The following ZNF408 variants were observed in gnomAD, a reference collection of about 807,000 sequenced individuals.
ZNF408 encodes PR domain zinc finger protein 17.
A neutral mutation model predicts 27.6 loss-of-function variants in ZNF408; 24 were observed. The ratio of observed to expected loss-of-function variants is 0.87; its 90% CI spans 0.63 to 1.22. ZNF408 has a LOEUF of 1.22. Ranked by LOEUF, ZNF408 falls within the 50% of genes most tolerant of loss-of-function variation. The probability of loss-of-function intolerance (pLI) is 0.00; values close to 1 mark genes in which losing one functional copy is unlikely to be tolerated. For missense variants in ZNF408, 897 were observed against 949.0 expected (o/e 0.95, Z 0.72); for synonymous variants, 410 against 396.1 (o/e 1.04, Z -0.42).
rs765506026 is a variant in ZNF408, at chr11:46,705,039, G to A, written c.1339G>A (p.Ala447Thr). The change falls in exon 5 of 5, where the codon GCC (alanine) becomes ACC (threonine). Residue 447 changes from alanine (A) to threonine (T), a missense_variant. Transcript: ENST00000311764. This position sits in a 1 kb window ranked among gnomAD's most constrained non-coding sequence, Gnocchi z 6.5. ...TTGTGACCAGTGTGGCAAGGCCTTT[G>A]CCCGCCGGCCCTCCCTGCGGCTGCA... ...FACDQCGKAF[A>T]RRPSLRLHRK... 1.8e-5 allele frequency: 29 copies of A among 1,612,816 alleles called. 1 individual carries two copies. In the South Asian group the frequency reaches 3.0e-4, roughly 16 times the overall value.
Position 46,701,389 on chromosome 11 carries a change from C to T in ZNF408, c.53-10C>T, listed in dbSNP as rs1264799749. 30 of 1,612,098 alleles carry T rather than the reference C, an allele frequency of 1.9e-5. No individual in the cohort carries two copies. The highest frequency in any genetic ancestry group is 2.5e-5 in the Non-Finnish European group (30 of 1,178,710). On this transcript the variant is annotated splice_polypyrimidine_tract_variant and intron_variant, in intron 1 of 4. Transcript: ENST00000311764. ...GGTGGCTCCCTCACTGTCTTCCCTTCTCTCTGCAGCCCGCGAGCCGCGCCT... is the reference window on the plus strand; with the variant it reads ...GGTGGCTCCCTCACTGTCTTCCCTTTTCTCTGCAGCCCGCGAGCCGCGCCT...
chr11:46,705,086 AG>A lies in ZNF408; in HGVS notation c.1387del (p.Ala463LeufsTer25). 1 of 1,612,532 alleles carries A rather than the reference AG, an allele frequency of 6.2e-7. No homozygotes were observed. The highest frequency in any genetic ancestry group is 8.5e-7 in the Non-Finnish European group (1 of 1,179,928). On this transcript the variant is annotated frameshift_variant, in exon 5 of 5. Transcript: ENST00000311764. LOFTEE classifies it low-confidence loss of function (END_TRUNC). The surrounding 1 kb of genome is among the most constrained non-coding windows in gnomAD (Gnocchi z 6.5). ...TGCATCGCAAGACCCACCAGGTGCCAGCTGCCCCTGCCCCTTGCCCATGCCC... is the reference window on the plus strand; with the variant it reads ...TGCATCGCAAGACCCACCAGGTGCCACTGCCCCTGCCCCTTGCCCATGCCC... ...RLHRKTHQVP[A>X]APAPCPCPVC...
rs755574785 is a variant in ZNF408, at chr11:46,701,560, C to A, written c.214C>A (p.Arg72Ser). Residue 72 changes from arginine to serine, a missense_variant, in exon 2 of 5, where the codon CGC becomes AGC. Coordinates refer to ENST00000311764, the MANE Select transcript of ZNF408 (RefSeq NM_024741.3). ...ALGPSLAKEQ[R>S]LGVWCVGDPL... Reference sequence around the variant, plus strand: ...TGGCCCCTCACTCGCCAAGGAACAGCGCTTGGGGGTCTGGTGTGTCGGGGA... The same window carrying A: ...TGGCCCCTCACTCGCCAAGGAACAGAGCTTGGGGGTCTGGTGTGTCGGGGA... The A allele has an allele frequency of 6.2e-7, 1 of 1,613,502 alleles. No individual in the cohort carries two copies. The highest frequency in any genetic ancestry group is 1.1e-5 in the South Asian group (1 of 91,080).
intron 4 of ZNF408, among the ~76,000 whole-genome samples, 183 bp from the exon 5 acceptor site, chr11:46,704,170 C>T (rs956106000): frequency 2.6e-5 from 4 of 152,000 alleles, no homozygotes; most frequent in African/African-American, 4.8e-5. Flanking sequence ...CTCCAAAAGG[C>T]GCTTAAGGCT....
intron 2 of ZNF408, 48 bp from the exon 3 acceptor site, chr11:46,702,656 C>T (rs1337869107): frequency 1.9e-6 from 3 of 1,580,384 alleles, no homozygotes; most frequent in Non-Finnish European, 2.6e-6. Context: ...TTATTCCTAC[C>T]CGACCCCTCG....
rs2064721414 is a variant in ZNF408, at chr11:46,703,019, A to G, written c.428A>G (p.Asn143Ser). 2 of 1,613,890 alleles carry G rather than the reference A, an allele frequency of 1.2e-6. No individual in the cohort carries two copies. Among genetic ancestry groups the G allele is most frequent in the Non-Finnish European group, 1.7e-6 (2 of 1,179,896 alleles). ...CGGGGCAGGCTGGAGAGTGAGGGAA[A>G]TGTGGCCCCAGTGCGGATCAGCGAG... ...VQRGRLESEG[N>S]VAPVRISERL... Residue 143 changes from asparagine to serine, a missense_variant, in exon 4 of 5, where the codon AAT becomes AGT. Asn to Ser is a conservative substitution (Grantham distance 46, BLOSUM62 1). Coordinates refer to ENST00000311764, the MANE Select transcript of ZNF408 (RefSeq NM_024741.3).
chr11:46,703,265 G>T (rs768619422), intron 4 of ZNF408, 22 bp downstream of exon 4: 8 of 1,592,988 alleles, frequency 5.0e-6, no homozygotes, highest in Non-Finnish European at 6.8e-6. Flanking sequence ...ATAAATGCTG[G>T]TTTCCCAGCA....
In ZNF408 at chr11:46,703,212, C is replaced by T; in HGVS notation, c.621C>T (p.Ser207=). The T allele has an allele frequency of 1.2e-6, 2 of 1,613,640 alleles. No homozygotes were observed. Among genetic ancestry groups the T allele is most frequent in the South Asian group, 2.2e-5 (2 of 90,964 alleles). The part of the protein sequence containing the change: ...VESAVQQEVA[S]PGEDAAEPCI... Reference sequence around the variant, plus strand: ...CTGCTGTACAGCAGGAAGTGGCCTCCCCTGGGGAGGATGCAGCAGAACCTT... The same window carrying T: ...CTGCTGTACAGCAGGAAGTGGCCTCTCCTGGGGAGGATGCAGCAGAACCTT... The change falls in exon 4 of 5, where the codon TCC becomes TCT. Residue 207 remains serine (S), a synonymous_variant. Coordinates refer to ENST00000311764, the MANE Select transcript of ZNF408 (RefSeq NM_024741.3).
Position 46,705,707 on chromosome 11 carries a change from C to G in ZNF408, c.2007C>G (p.Pro669=). 1.9e-6 allele frequency: 3 copies of G among 1,613,466 alleles called. No homozygotes were observed. The South Asian group carries it at 3.3e-5, about 18-fold the overall frequency. The change falls in exon 5 of 5, where the codon CCC becomes CCG. Residue 669 remains proline (P), a synonymous_variant. Coordinates refer to ENST00000311764, the MANE Select transcript of ZNF408 (RefSeq NM_024741.3). This position sits in a 1 kb window ranked among gnomAD's most constrained non-coding sequence, Gnocchi z 6.5. ...CACACAGAGAGGAGGAAGTCTCCCC[C>G]GCCAGGGATGTTGTTGAGGTCACCA... ...LDTHREEEVS[P]ARDVVEVTIS... is the part of the protein sequence containing the mutation.
chr11:46,701,799 C>T (rs2134505810), intron 2 of ZNF408, 123 bp downstream of exon 2: 5 of 1,272,026 alleles, frequency 3.9e-6, no homozygotes, highest in Non-Finnish European at 5.3e-6. Context: ...AGTCTTGTCC[C>T]TTCTCTTCAG....
At position 46,704,702 on chromosome 11, in the gene ZNF408, A is replaced by G. The variant is rs771494000; in HGVS notation, c.1002A>G (p.Thr334=). 17 of 1,609,350 alleles carry G rather than the reference A, an allele frequency of 1.1e-5. No homozygotes were observed. Among genetic ancestry groups the G allele is most frequent in the Non-Finnish European group, 1.3e-5 (15 of 1,178,026 alleles). ...GAGCCCAGCAGTCTGGCTTCCCTAC[A>G]CTCTCGCGGAGCCCTCCTGGCCCAG... The part of the protein sequence containing the change: ...EPGAQQSGFP[T]LSRSPPGPAG... The change falls in exon 5 of 5, where the codon ACA becomes ACG. Residue 334 remains threonine (T), a synonymous_variant. Coordinates refer to ENST00000311764, the MANE Select transcript of ZNF408 (RefSeq NM_024741.3).
At position 46,705,406 on chromosome 11, in the gene ZNF408, A is replaced by C; in HGVS notation, c.1706A>C (p.His569Pro). 1 of 1,607,882 alleles carries C rather than the reference A, an allele frequency of 6.2e-7. No homozygotes were observed. Among genetic ancestry groups the C allele is most frequent in the Non-Finnish European group, 8.5e-7 (1 of 1,179,522 alleles). ...ALRDPHTLRA[H>P]ERLHSGERPF... The stretch of plus-strand genomic sequence containing the variant: ...CGAGACCCACACACGCTCCGAGCTC[A>C]CGAGCGCCTGCACTCCGGAGAGAGG... The change falls in exon 5 of 5, where the codon CAC (histidine) becomes CCC (proline). Residue 569 changes from histidine (H) to proline (P), a missense_variant. His to Pro is a moderately conservative substitution (Grantham distance 77). Coordinates refer to ENST00000311764, the MANE Select transcript of ZNF408 (RefSeq NM_024741.3). This position sits in a 1 kb window ranked among gnomAD's most constrained non-coding sequence, Gnocchi z 6.5.
chr11:46,705,484 G>A lies in ZNF408; in HGVS notation c.1784G>A (p.Arg595Gln), dbSNP rs980142886. 17 of 1,606,334 alleles carry A rather than the reference G, an allele frequency of 1.1e-5. No homozygotes were observed. Among genetic ancestry groups the A allele is most frequent in the Non-Finnish European group, 1.4e-5 (17 of 1,179,966 alleles). ...GRAYTLATKL[R>Q]RHLKSHLEDK... ...GCTTACACGCTGGCCACCAAGCTGC[G>A]GCGCCACCTCAAATCTCACTTGGAG... is the stretch of plus-strand genomic sequence containing the variant. The change falls in exon 5 of 5, where the codon CGG becomes CAG. Residue 595 changes from arginine to glutamine, a missense_variant. Transcript: ENST00000311764. This position sits in a 1 kb window ranked among gnomAD's most constrained non-coding sequence, Gnocchi z 6.5.
At chr11:46,702,453 C>T (rs552166287) in intron 2 of ZNF408, among the ~76,000 whole-genome samples, 149 of 152,320 alleles carry the variant, frequency 9.8e-4, no homozygotes, top group Non-Finnish European at 1.7e-3. Flanking sequence ...TTAGTACTCA[C>T]TGGAAGACAG....
chr11:46,702,680 A>G (rs1486719146), intron 2 of ZNF408, 24 bp from the exon 3 acceptor site: 1 of 1,611,776 alleles, frequency 6.2e-7, no homozygotes, highest in Non-Finnish European at 8.5e-7. Context: ...ACATTTGAGA[A>G]GGACTTTTGT....
intron 3 of ZNF408, 88 bp from the exon 4 acceptor site, chr11:46,702,896 G>A (rs750510049): frequency 1.9e-6 from 3 of 1,597,476 alleles, no homozygotes; most frequent in Non-Finnish European, 1.7e-6. Context: ...GCGTCCTTTA[G>A]GACCCAGACT....
chr11:46,701,561 G>T lies in ZNF408; in HGVS notation c.215G>T (p.Arg72Leu), dbSNP rs763576993. The change falls in exon 2 of 5, where the codon CGC (arginine) becomes CTC (leucine). Residue 72 changes from arginine to leucine, a missense_variant. Coordinates refer to ENST00000311764, the MANE Select transcript of ZNF408 (RefSeq NM_024741.3). Reference sequence around the variant, plus strand: ...GGCCCCTCACTCGCCAAGGAACAGCGCTTGGGGGTCTGGTGTGTCGGGGAC... The same window carrying T: ...GGCCCCTCACTCGCCAAGGAACAGCTCTTGGGGGTCTGGTGTGTCGGGGAC... ...ALGPSLAKEQ[R>L]LGVWCVGDPL... 2 of 1,613,516 alleles carry T rather than the reference G, an allele frequency of 1.2e-6. No individual in the cohort carries two copies. The highest frequency in any genetic ancestry group is 2.2e-5 in the South Asian group (2 of 91,078).
chr11:46,701,148 C>T, intron 1 of ZNF408, 49 bp downstream of exon 1: 1 of 1,613,808 alleles, frequency 6.2e-7, no homozygotes, highest in Non-Finnish European at 8.5e-7. Flanking sequence ...CCAGGTGGAT[C>T]TGACGCTCTG....
At position 46,701,116 on chromosome 11, in the gene ZNF408, G is replaced by A. The variant is rs761528301; in HGVS notation, c.52+17G>A. 6.2e-7 allele frequency: 1 copy of A among 1,614,092 alleles called. No individual in the cohort carries two copies. Among genetic ancestry groups the A allele is most frequent in the South Asian group, 1.1e-5 (1 of 91,080 alleles). On this transcript the variant is annotated intron_variant, in intron 1 of 4. Coordinates refer to ENST00000311764, the MANE Select transcript of ZNF408 (RefSeq NM_024741.3). ...TGCAACTCGGTGAGTGACCTGCGATGTCCGCGACCCTCAACCTTGGCCCAG... is the reference window on the plus strand; with the variant it reads ...TGCAACTCGGTGAGTGACCTGCGATATCCGCGACCCTCAACCTTGGCCCAG...
Sources: gnomAD v4.1 joint callset for allele counts (sites outside exome capture counted in the v4.1 genomes callset) on GRCh38, gnomAD v4.1.1 for gene constraint, Gnocchi (gnomAD v3.1) non-coding constraint, MANE v1.5 for transcripts, NCBI Gene and HGNC (gene_info 2026-07-23, HGNC 2026-07-21) for gene names.